ADAMTS1: variants seen among roughly 807,000 people sequenced by gnomAD.
The protein encoded by ADAMTS1 is A disintegrin and metalloproteinase with thrombospondin motifs 1.
In ADAMTS1, 19 loss-of-function variants were observed where a neutral mutation model predicts 87.9. That is an observed-to-expected ratio of 0.22 (90% CI 0.15 to 0.32). ADAMTS1 has a LOEUF of 0.32. Ranked by LOEUF, ADAMTS1 falls within the 10% of genes least tolerant of loss-of-function variation. The pLI, the probability that ADAMTS1 is intolerant of heterozygous loss-of-function variation, is 1.00. For missense variants in ADAMTS1, 1,240 were observed against 1,259.1 expected, an observed-to-expected ratio of 0.98 and a Z score of 0.23; for synonymous variants, 542 against 501.8, an observed-to-expected ratio of 1.08 and a Z score of -1.07.
Position 26,842,458 on chromosome 21 carries a change from C to T in ADAMTS1, c.958G>A (p.Glu320Lys). ...LVIHDEQKGPEVTSNAALTLR... is the reference protein window; with the variant it reads ...LVIHDEQKGPKVTSNAALTLR... Reference sequence around the variant, plus strand: ...GTGAGGGCAGCATTGGAGGTCACTTCCGGCCCCTTCTGTTCATCGTGGATG... The same window carrying T: ...GTGAGGGCAGCATTGGAGGTCACTTTCGGCCCCTTCTGTTCATCGTGGATG... Residue 320 changes from glutamate (E) to lysine (K), a missense_variant, in exon 2 of 9, where the codon GAA becomes AAA. Glu to Lys is a moderately conservative substitution (Grantham distance 56). Transcript: ENST00000284984. 6.2e-7 allele frequency: 1 copy of T among 1,614,170 alleles called. No homozygotes were observed. The highest frequency in any genetic ancestry group is 8.5e-7 in the Non-Finnish European group (1 of 1,180,042).
rs416905 is a variant in ADAMTS1 at position 26,845,127 on chromosome 21, A to C, written c.-173T>G. 6 of 923,450 alleles carry C rather than the reference A, an allele frequency of 6.5e-6. No individual in the cohort carries two copies. The highest frequency in any genetic ancestry group is 8.6e-6 in the Non-Finnish European group (6 of 698,828). 57.2% of individuals were successfully genotyped at this position (923,450 alleles called of 1,614,324 possible). ...CAGCCGAAGCTCCCGGAGTCACTAA[A>C]AGGAGGCGCTGCAGTTCTGCCGGCG... On this transcript the variant is annotated 5_prime_UTR_variant, in exon 1 of 9. Coordinates refer to ENST00000284984, the MANE Select transcript of ADAMTS1 (RefSeq NM_006988.5).
chr21:26,840,494 C>A lies in ADAMTS1; in HGVS notation c.1447G>T (p.Asp483Tyr), dbSNP rs760991510. ...GTAAACTGGCACTGCCGGTTGGCATCGTACGAGGTGCCAGGGAGATCGCCT... is the reference window on the plus strand; with the variant it reads ...GTAAACTGGCACTGCCGGTTGGCATAGTACGAGGTGCCAGGGAGATCGCCT... Reference protein sequence around the residue: ...LPGDLPGTSYDANRQCQFTFG... With the variant: ...LPGDLPGTSYYANRQCQFTFG... The change falls in exon 5 of 9, where the codon GAT becomes TAT. Residue 483 changes from aspartate (D) to tyrosine (Y), a missense_variant. By Grantham distance (160) the Asp-to-Tyr change is radical. Around this residue, in one of 3 missense-constraint regions of ADAMTS1, gnomAD observed 317 missense variants for 410.3 expected, o/e 0.77. Transcript: ENST00000284984. 1.2e-6 allele frequency: 2 copies of A among 1,614,224 alleles called. No homozygotes were observed. Among genetic ancestry groups the A allele is most frequent in the Non-Finnish European group, 1.7e-6 (2 of 1,180,042 alleles).
chr21:26,842,461 G>C lies in ADAMTS1; in HGVS notation c.955C>G (p.Pro319Ala). 6.2e-7 allele frequency: 1 copy of C among 1,614,110 alleles called. No individual in the cohort carries two copies. Among genetic ancestry groups the C allele is most frequent in the Non-Finnish European group, 8.5e-7 (1 of 1,180,032 alleles). ...AGGGCAGCATTGGAGGTCACTTCCG[G>C]CCCCTTCTGTTCATCGTGGATGACC... ...ILVIHDEQKGPEVTSNAALTL... is the reference protein window; with the variant it reads ...ILVIHDEQKGAEVTSNAALTL... The change falls in exon 2 of 9, where the codon CCG becomes GCG. Residue 319 changes from proline to alanine, a missense_variant. This residue lies in a region of ADAMTS1 where 521 missense variants were observed against 449.7 expected (regional missense o/e 1.16). Coordinates refer to ENST00000284984, the MANE Select transcript of ADAMTS1 (RefSeq NM_006988.5).
chr21:26,840,912 A>G (rs1257243969), intron 4 of ADAMTS1, 86 bp downstream of exon 4: 10 of 1,450,154 alleles, frequency 6.9e-6, no homozygotes, highest in Non-Finnish European at 7.5e-6. Flanking sequence ...GAAAATAAAA[A>G]GAACAAAAAG....
At position 26,844,973 on chromosome 21, in the gene ADAMTS1, C is replaced by A. The variant is rs772462417; in HGVS notation, c.-19G>T. ...GCTGCATTGGAGCCCCAGGAGACAC[C>A]GCTCGTAGCAGCGCACGGAGCGAGG... On this transcript the variant is annotated 5_prime_UTR_variant, in exon 1 of 9. Coordinates refer to ENST00000284984, the MANE Select transcript of ADAMTS1 (RefSeq NM_006988.5). The A allele has an allele frequency of 4.7e-6, 7 of 1,494,956 alleles. No homozygotes were observed. The South Asian group carries it at 8.2e-5, about 17-fold the overall frequency. 92.6% of individuals were successfully genotyped at this position (1,494,956 alleles called of 1,614,324 possible).
At position 26,840,014 on chromosome 21, in the gene ADAMTS1, A is replaced by G. The variant is rs1419778450; in HGVS notation, c.1713T>C (p.Cys571=). ...GGACTCCTCCACCGCACGTTCTCGA[A>G]CAGTCTCCCCAAGGCCCCCACATTC... is the stretch of plus-strand genomic sequence containing the variant. ...SWGMWGPWGD[C]SRTCGGGVQY... is the part of the protein sequence containing the mutation. The change falls in exon 6 of 9, where the codon TGT becomes TGC. Residue 571 remains cysteine (C), a synonymous_variant. Transcript: ENST00000284984. 5 of 1,613,954 alleles carry G rather than the reference A, an allele frequency of 3.1e-6. 1 individual carries two copies. The highest frequency in any genetic ancestry group is 2.2e-5 in the South Asian group (2 of 91,086).
chr21:26,842,739 C>T (rs1438760990), intron 1 of ADAMTS1, 54 bp from the exon 2 acceptor site: 7 of 1,487,460 alleles, frequency 4.7e-6, no homozygotes. Flanking sequence ...GAATAGTTAC[C>T]TTCCTAGCAT....
Position 26,845,010 on chromosome 21 carries a change from C to A in ADAMTS1, c.-56G>T, listed in dbSNP as rs1985593380. ...CGCACGGAGCGAGGGACCTTTAGTTCGGGTCGGGAGAGCAAAGCCTCGTTG... is the reference window on the plus strand; with the variant it reads ...CGCACGGAGCGAGGGACCTTTAGTTAGGGTCGGGAGAGCAAAGCCTCGTTG... On this transcript the variant is annotated 5_prime_UTR_variant, in exon 1 of 9. Transcript: ENST00000284984. 4 of 1,473,430 alleles carry A rather than the reference C, an allele frequency of 2.7e-6. No individual in the cohort carries two copies. Among genetic ancestry groups the A allele is most frequent in the Non-Finnish European group, 3.6e-6 (4 of 1,117,118 alleles). The allele number at this position is 1,473,430 out of a possible 1,614,324, so 91.3% of individuals were successfully genotyped here.
In ADAMTS1 at chr21:26,837,890, C is replaced by T. The variant is rs201422884; in HGVS notation, c.2593G>A (p.Glu865Lys). ...CCCAATTCACATGACTTAGAACATT[C>T]GCCCCACTCTTCAATGACCCATGCT... ...FSAWVIEEWG[E>K]CSKSCELGWQ... Residue 865 changes from glutamate (E) to lysine (K), a missense_variant, in exon 9 of 9, where the codon GAA becomes AAA. By Grantham distance (56) the Glu-to-Lys change is moderately conservative. Around this residue, in one of 3 missense-constraint regions of ADAMTS1, gnomAD observed 402 missense variants for 399.1 expected, o/e 1.01. Transcript: ENST00000284984. 3.0e-5 allele frequency: 48 copies of T among 1,614,200 alleles called. No homozygotes were observed. The East Asian group carries it at 9.4e-4, about 31-fold the overall frequency.
Position 26,838,069 on chromosome 21 carries a change from G to T in ADAMTS1, c.2414C>A (p.Ser805Tyr). 1 of 1,614,198 alleles carries T rather than the reference G, an allele frequency of 6.2e-7. No homozygotes were observed. The highest frequency in any genetic ancestry group is 8.5e-7 in the Non-Finnish European group (1 of 1,180,030). Residue 805 changes from serine (S) to tyrosine (Y), a missense_variant, in exon 9 of 9, where the codon TCT becomes TAT. By Grantham distance (144) the Ser-to-Tyr change is moderately radical. Transcript: ENST00000284984. ...KGVVLRYSGS[S>Y]AALERIRSFS... Reference sequence around the variant, plus strand: ...GCTGCGAATTCTTTCCAATGCCGCAGAGGAGCCGCTGTACCTCAAGACAAC... The same window carrying T: ...GCTGCGAATTCTTTCCAATGCCGCATAGGAGCCGCTGTACCTCAAGACAAC...
In ADAMTS1 at chr21:26,844,757, C is replaced by T. The variant is rs760756196; in HGVS notation, c.198G>A (p.Glu66=). ...GCGTGGTCCCGTGTCCCGGGGCGCG[C>T]TCCAGCTCCGGCACCACTAGCTCCT... is the stretch of plus-strand genomic sequence containing the variant. The part of the protein sequence containing the change: ...EDEELVVPEL[E]RAPGHGTTRL... The change falls in exon 1 of 9, where the codon GAG becomes GAA. Residue 66 remains glutamate, a synonymous_variant. Transcript: ENST00000284984. The T allele has an allele frequency of 6.4e-7, 1 of 1,555,578 alleles. No homozygotes were observed. Among genetic ancestry groups the T allele is most frequent in the Non-Finnish European group, 8.7e-7 (1 of 1,147,028 alleles).
intron 7 of ADAMTS1, 110 bp from the exon 8 acceptor site, chr21:26,838,724 A>T: frequency 9.3e-7 from 1 of 1,075,516 alleles, no homozygotes; most frequent in South Asian, 1.6e-5. Flanking sequence ...AATTAAACAC[A>T]GTACCCTCTA....
chr21:26,840,215 A>G (rs1985463361), intron 5 of ADAMTS1, 61 bp downstream of exon 5: 1 of 1,577,294 alleles, frequency 6.3e-7, no homozygotes, highest in Admixed American at 1.7e-5. Flanking sequence ...ACTTGGTATC[A>G]TATCTTTTAC....
At position 26,840,057 on chromosome 21, in the gene ADAMTS1, G is replaced by C; in HGVS notation, c.1670C>G (p.Pro557Arg). 6.2e-7 allele frequency: 1 copy of C among 1,612,734 alleles called. No homozygotes were observed. The highest frequency in any genetic ancestry group is 8.5e-7 in the Non-Finnish European group (1 of 1,179,628). The change falls in exon 6 of 9, where the codon CCT becomes CGT. Residue 557 changes from proline (P) to arginine (R), a missense_variant. Transcript: ENST00000284984. ...CCACATTCCCCAGCTTCCATGAAAA[G>C]GCGTCTAAATGGAGACATAAATCAT... is the stretch of plus-strand genomic sequence containing the variant. ...NKTDRKHFDT[P>R]FHGSWGMWGP...
chr21:26,842,564 C>T lies in ADAMTS1; in HGVS notation c.852G>A (p.Thr284=), dbSNP rs373751120. The T allele has an allele frequency of 2.4e-5, 38 of 1,614,032 alleles. No individual in the cohort carries two copies. Among genetic ancestry groups the T allele is most frequent in the Non-Finnish European group, 3.1e-5 (37 of 1,180,046 alleles). The change falls in exon 2 of 9, where the codon ACG becomes ACA. Residue 284 remains threonine (T), a synonymous_variant. Transcript: ENST00000284984. ...HGSGLKHYLL[T]LFSVAARLYK... is the part of the protein sequence containing the mutation. ...ACAATCTGGCTGCCACCGAAAACAACGTGAGAAGGTAATGCTTTAGACCAC... is the reference window on the plus strand; with the variant it reads ...ACAATCTGGCTGCCACCGAAAACAATGTGAGAAGGTAATGCTTTAGACCAC...
chr21:26,842,140 CT>C (rs778968910), intron 2 of ADAMTS1, 150 bp from the exon 3 acceptor site: 3 of 1,099,238 alleles, frequency 2.7e-6, no homozygotes, highest in Admixed American at 2.9e-5. Flanking sequence ...TTTAATCAAG[CT>C]TTTTTCTAAT....
chr21:26,843,745 C>T (rs1436705682), intron 1 of ADAMTS1: 1 of 501,136 alleles, frequency 2.0e-6, no homozygotes, highest in Non-Finnish European at 4.1e-6. Flanking sequence ...AGGGTACCTT[C>T]CCAGGTCACC....
rs753878269 is a variant in ADAMTS1, at chr21:26,838,185, G to C, written c.2298C>G (p.Ser766Arg). 6.2e-7 allele frequency: 1 copy of C among 1,614,114 alleles called. No homozygotes were observed. Among genetic ancestry groups the C allele is most frequent in the East Asian group, 2.2e-5 (1 of 44,874 alleles). ...CATCAGCAGCTTTGATGGCAAGAAA[G>C]CTGCCATTGTTCCTGGATCCCCTCT... ...RNQRGSRNNGSFLAIKAADGT... is the reference protein window; with the variant it reads ...RNQRGSRNNGRFLAIKAADGT... Residue 766 changes from serine to arginine, a missense_variant, in exon 9 of 9, where the codon AGC (serine) becomes AGG (arginine). Physicochemically the swap from Ser to Arg is moderately radical, Grantham distance 110. Coordinates refer to ENST00000284984, the MANE Select transcript of ADAMTS1 (RefSeq NM_006988.5).
At position 26,838,526 on chromosome 21, in the gene ADAMTS1, T is replaced by C. The variant is rs763557575; in HGVS notation, c.2117A>G (p.Asp706Gly). Residue 706 changes from aspartate (D) to glycine (G), a missense_variant, in exon 8 of 9, where the codon GAC becomes GGC. Physicochemically the swap from Asp to Gly is moderately conservative, Grantham distance 94. Coordinates refer to ENST00000284984, the MANE Select transcript of ADAMTS1 (RefSeq NM_006988.5). ...CVKAGCDRIIDSKKKFDKCGV... is the reference protein window; with the variant it reads ...CVKAGCDRIIGSKKKFDKCGV... Reference sequence around the variant, plus strand: ...ACATTTATCAAACTTCTTTTTGGAGTCTATGATGCGATCACAACCAGCTTT... The same window carrying C: ...ACATTTATCAAACTTCTTTTTGGAGCCTATGATGCGATCACAACCAGCTTT... The C allele has an allele frequency of 6.2e-6, 10 of 1,614,014 alleles. No individual in the cohort carries two copies. The African/African-American group carries it at 1.2e-4, about 19-fold the overall frequency.
Sources: gnomAD v4.1 joint callset for allele counts on GRCh38, gnomAD v4.1.1 for gene constraint, gnomAD v4.1.1 regional missense constraint, MANE v1.5 for transcripts, NCBI Gene and HGNC (gene_info 2026-07-23, HGNC 2026-07-21) for gene names.